Variants in CELF2 observed in about 807,000 individuals in gnomAD.
CELF2 encodes the protein CUGBP Elav-like family member 2, also known as CUG triplet repeat RNA-binding protein 2.
In CELF2, 8 loss-of-function variants were observed where a neutral mutation model predicts 62.6. That is an observed-to-expected ratio of 0.13 (90% CI 0.07 to 0.23). The LOEUF is 0.23. Ranked by LOEUF, CELF2 falls within the 10% of genes least tolerant of loss-of-function variation. CELF2 has a pLI of 1.00. For synonymous variants in CELF2, 258 were observed against 250.0 expected (o/e 1.03, Z -0.30); for missense variants, 333 against 671.0 (o/e 0.50, Z 5.56).
chr10:11,324,801 C>A lies in CELF2; in HGVS notation c.1295-1035C>A, dbSNP rs1227532954. Among the ~76,000 whole-genome samples the A allele has an allele frequency of 2.0e-5, 3 of 152,202 alleles. No homozygotes were observed. The highest frequency in any genetic ancestry group is 3.9e-4 in the East Asian group (2 of 5,194). The stretch of plus-strand genomic sequence containing the variant: ...CATCTAGGGACCCCAGTGCAGCTAT[C>A]CCCTGGGGTTGCCTAGTTGGGCAGG... On this transcript the variant is annotated intron_variant, in intron 11 of 12. Coordinates refer to ENST00000633077, the MANE Select transcript of CELF2 (RefSeq NM_001326342.2). The surrounding 1 kb of genome is among the most constrained non-coding windows in gnomAD (Gnocchi z 4.7).
chr10:11,121,318 A>G (rs1424356814), intron 1 of CELF2, among the ~76,000 whole-genome samples: 1 of 152,120 alleles, frequency 6.6e-6, no homozygotes, highest in East Asian at 1.9e-4. Flanking sequence ...AAGATGCTGG[A>G]GTCTTTGTAG....
intron 2 of CELF2, among the ~76,000 whole-genome samples, chr10:11,201,391 C>G (rs2059177303): frequency 6.6e-6 from 1 of 152,200 alleles, no homozygotes; most frequent in Non-Finnish European, 1.5e-5. Context: ...CATCTTGTCA[C>G]TCTACCATCT....
At chr10:10,599,386 C>T in the CELF2 span, among the ~76,000 whole-genome samples, 2 of 152,254 alleles carry the variant, frequency 1.3e-5, no homozygotes, top group South Asian at 2.1e-4. Flanking sequence ...TTAAAAGGAA[C>T]CAGCAAAATG....
At chr10:10,943,124 TA>T in intron 2 of CELF2, among the ~76,000 whole-genome samples, 1 of 152,342 alleles carries the variant, frequency 6.6e-6, no homozygotes, top group South Asian at 2.1e-4. Flanking sequence ...CCTGTCTATA[TA>T]AATCATTAAC....
chr10:10,853,650 A>T (rs2059529909), intron 1 of CELF2, among the ~76,000 whole-genome samples: 1 of 151,758 alleles, frequency 6.6e-6, no homozygotes, highest in Non-Finnish European at 1.5e-5. Flanking sequence ...GAAAAAAAAA[A>T]GCCCCCTTAT....
chr10:10,715,414 A>G, the CELF2 span, among the ~76,000 whole-genome samples: 4 of 152,178 alleles, frequency 2.6e-5, no homozygotes, highest in South Asian at 2.1e-4. Context: ...ATATCCTTCT[A>G]CTTTCAAGTT....
At chr10:10,488,856 C>T in the CELF2 span, among the ~76,000 whole-genome samples, 1 of 151,904 alleles carries the variant, frequency 6.6e-6, no homozygotes, top group Non-Finnish European at 1.5e-5. Flanking sequence ...ACCGTATAAC[C>T]AATGCAAGAA....
At chr10:11,004,420 C>CGTGTGT (rs1383145353), upstream of CELF2, among the ~76,000 whole-genome samples, 2 of 143,520 alleles carry the variant, frequency 1.4e-5, no homozygotes, top group African/African-American at 5.8e-5. This position sits in a 1 kb window ranked among gnomAD's most constrained non-coding sequence, Gnocchi z 5.0. Context: ...TGTGTGCGCG[C>CGTGTGT]GCGTGTGTGT....
In CELF2 at chr10:10,997,782, C is replaced by T. The variant is rs567712233; in HGVS notation, c.89+77783C>T. 2.0e-5 allele frequency among the ~76,000 whole-genome samples: 3 copies of T among 152,320 alleles called. No individual in the cohort carries two copies. The highest frequency in any genetic ancestry group is 1.9e-4 in the East Asian group (1 of 5,178). On this transcript the variant is annotated intron_variant, in intron 2 of 13. Coordinates refer to the CELF2 transcript ENST00000636488. The surrounding 1 kb of genome is among the most constrained non-coding windows in gnomAD (Gnocchi z 5.3). ...CCCTCACGGGCCCCGTAGTCGCTCA[C>T]TTGTAGGGTGGTCTTCCCACTGCCC...
At chr10:11,001,668 T>C (rs918885626), upstream of CELF2, among the ~76,000 whole-genome samples, 2 of 152,210 alleles carry the variant, frequency 1.3e-5, no homozygotes, top group African/African-American at 4.8e-5. Context: ...TTTTTCTTCA[T>C]CAAGTTTGCA....
chr10:10,646,119 T>C, the CELF2 span, among the ~76,000 whole-genome samples: 4 of 152,180 alleles, frequency 2.6e-5, no homozygotes, highest in East Asian at 5.8e-4. Flanking sequence ...ACTAGGCATG[T>C]GTTGGTCTGT....
the CELF2 span, among the ~76,000 whole-genome samples, chr10:10,645,513 G>C: frequency 2.4e-4 from 36 of 152,202 alleles, no homozygotes; most frequent in East Asian, 4.7e-3. Context: ...AATTAGGCAG[G>C]CATGGTAGCA....
At chr10:10,593,834 C>T in the CELF2 span, among the ~76,000 whole-genome samples, 6 of 152,180 alleles carry the variant, frequency 3.9e-5, no homozygotes, top group Non-Finnish European at 8.8e-5. Context: ...AGACTTTGAG[C>T]AAGTTCTTTG....
At chr10:10,942,305 C>T (rs2047142685) in intron 2 of CELF2, among the ~76,000 whole-genome samples, 1 of 152,188 alleles carries the variant, frequency 6.6e-6, no homozygotes, top group South Asian at 2.1e-4. Context: ...GGCACTCATG[C>T]CTCACCATCT....
chr10:11,166,391 G>C (rs2067201392), intron 2 of CELF2, among the ~76,000 whole-genome samples: 1 of 152,200 alleles, frequency 6.6e-6, no homozygotes, highest in Admixed American at 6.5e-5. Flanking sequence ...ATGGGGGGCA[G>C]TGGGTGCCAT....
At chr10:10,584,252 C>G in the CELF2 span, among the ~76,000 whole-genome samples, 1 of 152,114 alleles carries the variant, frequency 6.6e-6, no homozygotes, top group Non-Finnish European at 1.5e-5. Flanking sequence ...ATCAGGCAGC[C>G]CCCAGAATCA....
intron 1 of CELF2, among the ~76,000 whole-genome samples, chr10:11,108,754 C>G (rs2054346588): frequency 6.6e-6 from 1 of 152,196 alleles, no homozygotes; most frequent in Non-Finnish European, 1.5e-5. Flanking sequence ...ATAGCTGTAT[C>G]ATTGTCATTT....
At chr10:10,484,882 CT>C in the CELF2 span, among the ~76,000 whole-genome samples, 1 of 152,132 alleles carries the variant, frequency 6.6e-6, no homozygotes, top group East Asian at 1.9e-4. Flanking sequence ...ATCCTGCATT[CT>C]ATATCAGCCC....
intron 2 of CELF2, among the ~76,000 whole-genome samples, chr10:10,951,344 C>T (rs894013563): frequency 1.3e-5 from 2 of 152,126 alleles, no homozygotes; most frequent in Non-Finnish European, 2.9e-5. Flanking sequence ...GCCACATTGC[C>T]CAGGCTGGTC....
Sources: allele counts gnomAD v4.1 joint callset (sites outside exome capture counted in the v4.1 genomes callset), GRCh38; gene constraint gnomAD v4.1.1; non-coding constraint Gnocchi (gnomAD v3.1); transcripts MANE v1.5; gene names NCBI Gene and HGNC (gene_info 2026-07-23, HGNC 2026-07-21).